Variants in TMPO observed in about 807,000 individuals in gnomAD.
TMPO encodes LEM domain containing 4.
Under a neutral mutation model 45.4 loss-of-function variants are expected in TMPO, and 22 were observed. The observed-to-expected ratio is 0.48, with a 90% CI of 0.35 to 0.69. The LOEUF (loss-of-function observed/expected upper bound fraction) is 0.69, where lower values mean the gene tolerates loss of function less well. Ranked by LOEUF, TMPO falls within the 30% of genes least tolerant of loss-of-function variation. The probability of loss-of-function intolerance (pLI) is 0.01; values close to 1 mark genes in which losing one functional copy is unlikely to be tolerated. For missense variants in TMPO, 512 were observed against 548.8 expected (o/e 0.93, Z 0.67); for synonymous variants, 241 against 204.1 (o/e 1.18, Z -1.54).
At chr12:98,520,294 C>CTTCT (rs1876237572) in intron 1 of TMPO, among the ~76,000 whole-genome samples, 1 of 145,356 alleles carries the variant, frequency 6.9e-6, no homozygotes, top group African/African-American at 2.6e-5. Context: ...TCCTTCCTTC[C>CTTCT]TTCCTTCCTT....
At chr12:98,526,466 A>T (rs1876769756) in intron 1 of TMPO, among the ~76,000 whole-genome samples, 1 of 152,150 alleles carries the variant, frequency 6.6e-6, no homozygotes, top group African/African-American at 2.4e-5. Context: ...CGCCTAATAC[A>T]ATGTAAGTGC....
At chr12:98,535,628 A>G (rs1011458528) in intron 3 of TMPO, 1 of 985,442 alleles carries the variant, frequency 1.0e-6, no homozygotes, top group Non-Finnish European at 1.2e-6. Flanking sequence ...GTTAAATTTG[A>G]ACAGTGTTGT....
At position 98,515,782 on chromosome 12, in the gene TMPO, C is replaced by T; in HGVS notation, c.-86C>T. 3 of 1,550,126 alleles carry T rather than the reference C, an allele frequency of 1.9e-6. No homozygotes were observed. Among genetic ancestry groups the T allele is most frequent in the Non-Finnish European group, 2.6e-6 (3 of 1,147,708 alleles). On this transcript the variant is annotated 5_prime_UTR_variant, in exon 1 of 9. Transcript: ENST00000556029. ...CAGGAGCCGTGAGGCTCGGAGGCGG[C>T]AGCGCGGTCCCCGGCCAGGAGCAAG...
intron 8 of TMPO, 85 bp downstream of exon 8, chr12:98,546,532 TCTG>T: frequency 9.0e-7 from 1 of 1,114,828 alleles, no homozygotes. Context: ...TTACTGTACT[TCTG>T]CTCAGAATTA....
intron 2 of TMPO, among the ~76,000 whole-genome samples, chr12:98,530,513 G>C (rs1055519024): frequency 1.3e-5 from 2 of 151,968 alleles, no homozygotes; most frequent in Admixed American, 1.3e-4. Flanking sequence ...ATCTTACCAG[G>C]AGTTAAGGAA....
intron 4 of TMPO, among the ~76,000 whole-genome samples, chr12:98,543,436 CA>C (rs1411696785): frequency 6.6e-6 from 1 of 152,170 alleles, no homozygotes; most frequent in Non-Finnish European, 1.5e-5. Context: ...GATTGATAGG[CA>C]CATTACAATT....
In TMPO at chr12:98,549,679, C is replaced by T. The variant is rs987133737; in HGVS notation, c.*1821C>T. The T allele has an allele frequency of 1.6e-5, 2 of 122,408 alleles. No homozygotes were observed. The highest frequency in any genetic ancestry group is 3.6e-5 in the Non-Finnish European group (2 of 56,038). The allele number at this position is 122,408 out of a possible 1,614,324, so 7.6% of individuals were successfully genotyped here. On this transcript the variant is annotated 3_prime_UTR_variant, in exon 9 of 9. Transcript: ENST00000556029. ...TAAAAATGTAAGTTATTTTTAAATACATCTGAAATAAAAATACTTACTAAA... is the reference window on the plus strand; with the variant it reads ...TAAAAATGTAAGTTATTTTTAAATATATCTGAAATAAAAATACTTACTAAA...
intron 3 of TMPO, chr12:98,534,108 T>G (rs772134340): frequency 6.2e-7 from 1 of 1,613,292 alleles, no homozygotes; most frequent in Non-Finnish European, 8.5e-7. Context: ...CGCTTGGGAT[T>G]CTGAGCAAAA....
chr12:98,535,607 T>C, intron 3 of TMPO: 4 of 985,448 alleles, frequency 4.1e-6, no homozygotes, highest in Non-Finnish European at 4.8e-6. Flanking sequence ...TTCTGCAAAT[T>C]CAATAAAGTT....
intron 1 of TMPO, among the ~76,000 whole-genome samples, chr12:98,523,073 C>CT (rs1270996123): frequency 6.6e-6 from 1 of 152,160 alleles, no homozygotes; most frequent in African/African-American, 2.4e-5. Context: ...GAGTGAAACT[C>CT]TTAAGTGATC....
At chr12:98,530,445 T>G (rs1007023138) in intron 2 of TMPO, among the ~76,000 whole-genome samples, 25 of 152,248 alleles carry the variant, frequency 1.6e-4, no homozygotes, top group African/African-American at 4.1e-4. Flanking sequence ...TTAAGGCTAT[T>G]TATATAACAT....
At chr12:98,524,342 G>A (rs925391800) in intron 1 of TMPO, among the ~76,000 whole-genome samples, 3 of 152,196 alleles carry the variant, frequency 2.0e-5, no homozygotes, top group Non-Finnish European at 2.9e-5. Context: ...GGAAGGCTGA[G>A]GTGGGCAAAT....
chr12:98,527,697 T>C (rs1045406879), intron 1 of TMPO, 189 bp from the exon 2 acceptor site: 1 of 615,592 alleles, frequency 1.6e-6, no homozygotes. Flanking sequence ...GTGCGGTTTG[T>C]ATGATTACAG....
At chr12:98,546,103 AT>A (rs534814151) in intron 7 of TMPO, among the ~76,000 whole-genome samples, 11 of 152,168 alleles carry the variant, frequency 7.2e-5, no homozygotes, top group South Asian at 2.1e-4. Flanking sequence ...AGATTACTGA[AT>A]TTTTTCCCCC....
In TMPO at chr12:98,516,105, G is replaced by C; in HGVS notation, c.238G>C (p.Gly80Arg). ...EREPTPVLGS[G>R]AAAAGRSRAA... ...CGAGCCCACCCCGGTCCTCGGCTCTGGGGCCGCCGCCGCGGGCCGGAGCCG... is the reference window on the plus strand; with the variant it reads ...CGAGCCCACCCCGGTCCTCGGCTCTCGGGCCGCCGCCGCGGGCCGGAGCCG... Residue 80 changes from glycine (G) to arginine (R), a missense_variant, in exon 1 of 9, where the codon GGG becomes CGG. Coordinates refer to ENST00000556029, the MANE Select transcript of TMPO (RefSeq NM_001032283.3). The C allele has an allele frequency of 6.4e-7, 1 of 1,551,214 alleles. No individual in the cohort carries two copies. The highest frequency in any genetic ancestry group is 1.2e-5 in the South Asian group (1 of 85,390).
chr12:98,528,015 A>C lies in TMPO; in HGVS notation c.406+3A>C. ...AGTGAATCCTGGTCCTATTGTGGGTAAGTTGATAAAATTTCAAATACAGTA... is the reference window on the plus strand; with the variant it reads ...AGTGAATCCTGGTCCTATTGTGGGTCAGTTGATAAAATTTCAAATACAGTA... On this transcript the variant is annotated splice_donor_region_variant and intron_variant, in intron 2 of 8. Transcript: ENST00000556029. 2 of 1,613,830 alleles carry C rather than the reference A, an allele frequency of 1.2e-6. No individual in the cohort carries two copies. Among genetic ancestry groups the C allele is most frequent in the Non-Finnish European group, 1.7e-6 (2 of 1,179,860 alleles).
At position 98,532,943 on chromosome 12, in the gene TMPO, C is replaced by T. The variant is rs138790561; in HGVS notation, c.565+1105C>T. ...GGTATTTCTTTTCCTGAAATCTCCA[C>T]CCGTCCTCCTTTGGGCAGTACCGAA... On this transcript the variant is annotated intron_variant, in intron 3 of 8. Coordinates refer to ENST00000556029, the MANE Select transcript of TMPO (RefSeq NM_001032283.3). 1.7e-3 allele frequency: 2,756 copies of T among 1,614,116 alleles called. 41 individuals carry two copies. In the South Asian group the frequency reaches 0.02, roughly 12 times the overall value.
chr12:98,521,782 TG>T (rs1254465031), intron 1 of TMPO, among the ~76,000 whole-genome samples: 4 of 152,172 alleles, frequency 2.6e-5, no homozygotes, highest in Non-Finnish European at 5.9e-5. Flanking sequence ...CAGGCTGGAG[TG>T]CAGTGGCGCG....
In TMPO at chr12:98,547,871, T is replaced by C. The variant is rs1410444575; in HGVS notation, c.*13T>C. ...AAAATCCAACTGAATGGTATCTCTT[T>C]GGCACGTTCAACTTGGTCTCCTATT... On this transcript the variant is annotated 3_prime_UTR_variant, in exon 9 of 9. Transcript: ENST00000556029. 2 of 1,613,614 alleles carry C rather than the reference T, an allele frequency of 1.2e-6. No individual in the cohort carries two copies. Among genetic ancestry groups the C allele is most frequent in the East Asian group, 2.2e-5 (1 of 44,898 alleles).
Sources: allele counts gnomAD v4.1 joint callset (sites outside exome capture counted in the v4.1 genomes callset), GRCh38; gene constraint gnomAD v4.1.1; transcripts MANE v1.5; gene names NCBI Gene and HGNC (gene_info 2026-07-23, HGNC 2026-07-21).